ZFPM2: variants seen among roughly 807,000 people sequenced by gnomAD.
ZFPM2 encodes the protein zinc finger protein ZFPM2.
A neutral mutation model predicts 98.6 loss-of-function variants in ZFPM2; 20 were observed. The observed-to-expected ratio is 0.20, with a 90% CI of 0.14 to 0.29. The LOEUF (loss-of-function observed/expected upper bound fraction) is 0.29, where lower values mean the gene tolerates loss of function less well. ZFPM2 is among the 10% of genes least tolerant of loss of function. The pLI, the probability that ZFPM2 is intolerant of heterozygous loss-of-function variation, is 1.00. For missense variants in ZFPM2, 1,310 were observed against 1,388.6 expected, an observed-to-expected ratio of 0.94 and a Z score of 0.90; for synonymous variants, 518 against 502.7, an observed-to-expected ratio of 1.03 and a Z score of -0.41.
chr8:105,615,956 C>G (rs547545838), intron 4 of ZFPM2, among the ~76,000 whole-genome samples: 1 of 152,070 alleles, frequency 6.6e-6, no homozygotes, highest in South Asian at 2.1e-4. Context: ...TTGTTTTTGG[C>G]TTGGTTTGAT....
intron 3 of ZFPM2, among the ~76,000 whole-genome samples, chr8:105,487,300 G>T (rs559784503): frequency 6.6e-6 from 1 of 152,038 alleles, no homozygotes; most frequent in East Asian, 1.9e-4. Context: ...AACATTTTTT[G>T]AAGAAATGAG....
intron 3 of ZFPM2, among the ~76,000 whole-genome samples, chr8:105,463,275 A>T (rs1812735590): frequency 7.5e-6 from 1 of 132,682 alleles, no homozygotes; most frequent in Non-Finnish European, 1.7e-5. Context: ...CTCTATATTT[A>T]AAACTATATA....
At position 105,577,447 on chromosome 8, in the gene ZFPM2, CAAATA is replaced by C. The variant is rs1586474768; in HGVS notation, c.420+15973_420+15977del. The stretch of plus-strand genomic sequence containing the variant: ...CTATTCTTTATACTCTTAACTTACA[CAAATA>C]AAATAATCTTATGAAGTAAAGCACA... On this transcript the variant is annotated intron_variant, in intron 4 of 7. Coordinates refer to ENST00000407775, the MANE Select transcript of ZFPM2 (RefSeq NM_012082.4). Among the ~76,000 whole-genome samples the C allele has an allele frequency of 4.0e-5, 5 of 126,356 alleles. No individual in the cohort carries two copies. In the East Asian group the frequency reaches 1.1e-3, roughly 28 times the overall value. The allele number at this position is 126,356 out of a possible 152,430, so 82.9% of individuals were successfully genotyped here. A position where few individuals can be genotyped will look rare whatever the true frequency, so the allele number is the denominator to read the frequency against.
chr8:105,410,842 A>G (rs1811562318), intron 1 of ZFPM2, among the ~76,000 whole-genome samples: 2 of 151,904 alleles, frequency 1.3e-5, no homozygotes, highest in Admixed American at 6.6e-5. Flanking sequence ...CTTACTCATA[A>G]GTGCTTTTAA....
chr8:105,375,868 T>A (rs942128340), intron 1 of ZFPM2, among the ~76,000 whole-genome samples: 9 of 152,066 alleles, frequency 5.9e-5, no homozygotes, highest in African/African-American at 1.9e-4. Flanking sequence ...CTGCAACATT[T>A]CCCTGTAAAT....
At chr8:105,642,549 T>G (rs1012323629) in intron 5 of ZFPM2, among the ~76,000 whole-genome samples, 1 of 152,176 alleles carries the variant, frequency 6.6e-6, no homozygotes, top group Non-Finnish European at 1.5e-5. Context: ...TCCACAGAAT[T>G]TAAATTGTTT....
At chr8:105,356,320 T>G (rs1315066222) in intron 1 of ZFPM2, among the ~76,000 whole-genome samples, 3 of 152,228 alleles carry the variant, frequency 2.0e-5, no homozygotes, top group Non-Finnish European at 2.9e-5. Flanking sequence ...GCTGACCTCT[T>G]CTATGTTCCC....
intron 5 of ZFPM2, among the ~76,000 whole-genome samples, chr8:105,650,760 G>T (rs1360017909): frequency 1.3e-5 from 2 of 152,124 alleles, no homozygotes; most frequent in East Asian, 3.9e-4. Flanking sequence ...TTTAATTTCT[G>T]TTCTTTTACA....
At chr8:105,414,307 A>G (rs1370801195) in intron 1 of ZFPM2, among the ~76,000 whole-genome samples, 5 of 152,018 alleles carry the variant, frequency 3.3e-5, no homozygotes, top group African/African-American at 9.7e-5. Flanking sequence ...AATACATGAT[A>G]ATGTATATTA....
intron 6 of ZFPM2, among the ~76,000 whole-genome samples, chr8:105,790,998 A>T (rs1472945000): frequency 1.3e-5 from 2 of 152,184 alleles, no homozygotes; most frequent in Admixed American, 6.5e-5. Context: ...GGGCTGAGAC[A>T]GTGGGGTTTT....
intron 4 of ZFPM2, among the ~76,000 whole-genome samples, chr8:105,575,559 T>C (rs1815448865): frequency 6.6e-6 from 1 of 152,176 alleles, no homozygotes; most frequent in South Asian, 2.1e-4. Flanking sequence ...GATTTTCTAA[T>C]GAAATATTTT....
At chr8:105,678,838 C>T (rs1810534498) in intron 5 of ZFPM2, 1 of 152,126 alleles carries the variant, frequency 6.6e-6, no homozygotes, top group Non-Finnish European at 1.5e-5. Context: ...GCTCAATCAG[C>T]ATAATGCAGC....
At chr8:105,389,487 A>G (rs1246640892) in intron 1 of ZFPM2, among the ~76,000 whole-genome samples, 2 of 152,220 alleles carry the variant, frequency 1.3e-5, no homozygotes, top group African/African-American at 4.8e-5. Context: ...GCCTACTCAG[A>G]TGTCATTGAC....
intron 1 of ZFPM2, among the ~76,000 whole-genome samples, chr8:105,365,815 G>T (rs1810494342): frequency 6.6e-6 from 1 of 152,142 alleles, no homozygotes; most frequent in South Asian, 2.1e-4. Context: ...AACAGACAGA[G>T]ATTCCTCAGT....
chr8:105,482,550 T>G lies in ZFPM2; in HGVS notation c.301+38169T>G, dbSNP rs1308269415. 2.6e-5 allele frequency among the ~76,000 whole-genome samples: 4 copies of G among 152,120 alleles called. 1 individual carries two copies. Among genetic ancestry groups the G allele is most frequent in the Admixed American group, 2.0e-4 (3 of 15,266 alleles). ...TTATGTCAACTTTTAAAAAATGTCT[T>G]TTTTCCCCTCTACCAACTTAGCAGA... On this transcript the variant is annotated intron_variant, in intron 3 of 7. Coordinates refer to ENST00000407775, the MANE Select transcript of ZFPM2 (RefSeq NM_012082.4).
At chr8:105,490,807 A>G (rs1386116973) in intron 3 of ZFPM2, among the ~76,000 whole-genome samples, 1 of 152,196 alleles carries the variant, frequency 6.6e-6, no homozygotes, top group Non-Finnish European at 1.5e-5. Flanking sequence ...ATCTAATATA[A>G]AATGATGTGT....
intron 1 of ZFPM2, among the ~76,000 whole-genome samples, chr8:105,319,309 C>G (rs1811973912): frequency 6.6e-6 from 1 of 152,172 alleles, no homozygotes; most frequent in African/African-American, 2.4e-5. Flanking sequence ...GGGGCAGTCC[C>G]GCTCCTTTAG....
intron 5 of ZFPM2, among the ~76,000 whole-genome samples, chr8:105,665,837 A>G (rs193127666): frequency 4.6e-5 from 7 of 152,082 alleles, no homozygotes; most frequent in Admixed American, 3.9e-4. Flanking sequence ...TTAAATAACT[A>G]AATATAAGTA....
intron 5 of ZFPM2, among the ~76,000 whole-genome samples, chr8:105,690,080 C>A (rs765579462): frequency 3.3e-5 from 5 of 152,156 alleles, no homozygotes; most frequent in Non-Finnish European, 7.3e-5. Context: ...AAGGAACTTG[C>A]ATAGCCTTGA....
Sources: gnomAD v4.1 joint callset for allele counts (sites outside exome capture counted in the v4.1 genomes callset) on GRCh38, gnomAD v4.1.1 for gene constraint, MANE v1.5 for transcripts, NCBI Gene and HGNC (gene_info 2026-07-23, HGNC 2026-07-21) for gene names.